TRPC4: variants seen among roughly 807,000 people sequenced by gnomAD.
TRPC4 encodes short transient receptor potential channel 4.
Under a neutral mutation model 99.4 loss-of-function variants are expected in TRPC4, and 49 were observed. That is an observed-to-expected ratio of 0.49 (90% CI 0.39 to 0.63). The LOEUF (loss-of-function observed/expected upper bound fraction) is 0.63. TRPC4 is among the 20% of genes least tolerant of loss of function. The pLI is 0.00. For synonymous variants in TRPC4, 454 were observed against 425.9 expected (o/e 1.07, Z -0.81); for missense variants, 898 against 1,152.9 (o/e 0.78, Z 3.20).
At chr13:37,719,154 A>C (rs1954779409) in intron 3 of TRPC4, among the ~76,000 whole-genome samples, 1 of 152,120 alleles carries the variant, frequency 6.6e-6, no homozygotes, top group African/African-American at 2.4e-5. Flanking sequence ...CGAAAGACAA[A>C]AAACTGTCAA....
intron 3 of TRPC4, among the ~76,000 whole-genome samples, chr13:37,702,917 G>A (rs920945762): frequency 6.6e-6 from 1 of 152,086 alleles, no homozygotes; most frequent in African/African-American, 2.4e-5. Context: ...GAGGAATTAA[G>A]CAACTAGTAC....
chr13:37,855,337 G>GAGATATATATATATATATATATATATAT (rs1555285072), intron 1 of TRPC4, among the ~76,000 whole-genome samples: 1 of 136,572 alleles, frequency 7.3e-6, no homozygotes, highest in African/African-American at 2.8e-5. Flanking sequence ...ATACAATGTA[G>GAGATATATATATATATATATATATATAT]ATATATATAT....
At chr13:37,653,470 A>G (rs910177532) in intron 7 of TRPC4, among the ~76,000 whole-genome samples, 3 of 152,070 alleles carry the variant, frequency 2.0e-5, no homozygotes, top group Admixed American at 6.6e-5. Context: ...AGGAAGGAAG[A>G]AAGAAAAAGA....
intron 1 of TRPC4, among the ~76,000 whole-genome samples, chr13:37,852,763 G>A (rs985944530): frequency 1.6e-4 from 25 of 152,116 alleles, no homozygotes; most frequent in African/African-American, 5.1e-4. Context: ...GCTGTGCAGC[G>A]TTTACCACAA....
chr13:37,729,597 G>C (rs1052429577), intron 3 of TRPC4, among the ~76,000 whole-genome samples: 5 of 152,092 alleles, frequency 3.3e-5, no homozygotes, highest in Admixed American at 6.6e-5. Context: ...GTGTCCTTCA[G>C]TGGATGACTG....
intron 2 of TRPC4, among the ~76,000 whole-genome samples, chr13:37,766,780 G>A (rs1312872383): frequency 1.3e-5 from 2 of 151,376 alleles, no homozygotes; most frequent in Non-Finnish European, 3.0e-5. Flanking sequence ...CACATCATTC[G>A]CTAGCTTCAC....
intron 3 of TRPC4, among the ~76,000 whole-genome samples, chr13:37,705,303 G>A (rs1954235011): frequency 6.6e-6 from 1 of 152,072 alleles, no homozygotes; most frequent in Non-Finnish European, 1.5e-5. Context: ...GGATGGTGGG[G>A]GTGGAGTTGA....
intron 3 of TRPC4, among the ~76,000 whole-genome samples, chr13:37,717,031 A>C (rs770466549): frequency 6.6e-6 from 1 of 152,184 alleles, no homozygotes; most frequent in Non-Finnish European, 1.5e-5. Flanking sequence ...GTGTAATAAC[A>C]CAAGTAGGTG....
At chr13:37,838,752 TAGAGAG>T (rs1471885099) in intron 1 of TRPC4, among the ~76,000 whole-genome samples, 1 of 152,214 alleles carries the variant, frequency 6.6e-6, no homozygotes, top group Admixed American at 6.5e-5. Flanking sequence ...TACTCTTGTA[TAGAGAG>T]AAGCATTAAA....
intron 3 of TRPC4, among the ~76,000 whole-genome samples, chr13:37,729,098 G>A (rs948084325): frequency 6.6e-6 from 1 of 152,114 alleles, no homozygotes; most frequent in Middle Eastern, 3.4e-3. Context: ...TAAACTTCAC[G>A]ATATTGGACT....
At chr13:37,671,676 AATT>A (rs1952849106) in intron 5 of TRPC4, among the ~76,000 whole-genome samples, 1 of 152,204 alleles carries the variant, frequency 6.6e-6, no homozygotes, top group Non-Finnish European at 1.5e-5. Context: ...ATAAGGTAGA[AATT>A]ATTATTTTTC....
In TRPC4 at chr13:37,753,468, C is replaced by T. The variant is rs531208463; in HGVS notation, c.379-7013G>A. On this transcript the variant is annotated intron_variant, in intron 2 of 10. Transcript: ENST00000379705. ...GGAGGCAGGTAAAGAAGGCTGATAG[C>T]TATTACATTTTGGATTAGACTTGTA... Among the ~76,000 whole-genome samples the T allele has an allele frequency of 3.3e-5, 5 of 150,590 alleles. No homozygotes were observed. In the South Asian group the frequency reaches 8.4e-4, roughly 25 times the overall value.
At chr13:37,855,167 A>T (rs191269304) in intron 1 of TRPC4, among the ~76,000 whole-genome samples, 1 of 151,832 alleles carries the variant, frequency 6.6e-6, no homozygotes, top group Non-Finnish European at 1.5e-5. Flanking sequence ...TGGAAATTTT[A>T]AAAAAGCAAG....
At chr13:37,685,653 T>A (rs1215315540) in intron 4 of TRPC4, among the ~76,000 whole-genome samples, 2 of 152,104 alleles carry the variant, frequency 1.3e-5, no homozygotes, top group Non-Finnish European at 2.9e-5. Flanking sequence ...TATCTACTCC[T>A]CTTTTCCTGT....
chr13:37,665,803 G>C (rs1952626836), intron 5 of TRPC4, among the ~76,000 whole-genome samples: 1 of 121,418 alleles, frequency 8.2e-6, no homozygotes, highest in Admixed American at 1.0e-4. Flanking sequence ...GACCTACTCT[G>C]AAAAGAGCCC....
intron 2 of TRPC4, among the ~76,000 whole-genome samples, chr13:37,778,557 G>C (rs763837580): frequency 2.6e-5 from 4 of 151,940 alleles, no homozygotes; most frequent in Admixed American, 6.6e-5. Context: ...CCCCTTTCCT[G>C]TCCCTCCTTT....
intron 3 of TRPC4, among the ~76,000 whole-genome samples, chr13:37,717,726 A>G (rs1016704091): frequency 5.9e-5 from 9 of 152,138 alleles, no homozygotes; most frequent in Non-Finnish European, 1.3e-4. Flanking sequence ...TCAGTCTTCT[A>G]GCCTCTAGAG....
intron 3 of TRPC4, among the ~76,000 whole-genome samples, chr13:37,693,989 G>A (rs911358999): frequency 7.9e-5 from 12 of 152,108 alleles, no homozygotes; most frequent in African/African-American, 2.7e-4. Context: ...ACAAAGCCAG[G>A]TATTTGAAAG....
chr13:37,847,103 C>T (rs1958927346), intron 1 of TRPC4, among the ~76,000 whole-genome samples: 1 of 151,622 alleles, frequency 6.6e-6, no homozygotes, highest in East Asian at 1.9e-4. Context: ...TAATAGGGGG[C>T]CTCGATACTC....
Sources: allele counts gnomAD v4.1 joint callset (sites outside exome capture counted in the v4.1 genomes callset), GRCh38; gene constraint gnomAD v4.1.1; transcripts MANE v1.5; gene names NCBI Gene and HGNC (gene_info 2026-07-23, HGNC 2026-07-21).